The following PCDHA5 variants were observed in gnomAD, a reference collection of about 807,000 sequenced individuals.
The protein encoded by PCDHA5 is protocadherin alpha 5, also known as protocadherin alpha-5.
In PCDHA5, 43 loss-of-function variants were observed where a neutral mutation model predicts 61.6. The observed-to-expected ratio is 0.70, with a 90% CI of 0.55 to 0.90. PCDHA5 has a LOEUF of 0.90. PCDHA5 is among the 40% of genes least tolerant of loss of function. The pLI is 0.00. For missense variants in PCDHA5, 1,298 were observed against 1,222.7 expected, an observed-to-expected ratio of 1.06 and a Z score of -0.92; for synonymous variants, 627 against 543.9, an observed-to-expected ratio of 1.15 and a Z score of -2.13.
At chr5:140,941,901 GA>G (rs782298792) in intron 1 of PCDHA5, among the ~76,000 whole-genome samples, 1 of 152,130 alleles carries the variant, frequency 6.6e-6, no homozygotes, top group African/African-American at 2.4e-5. Context: ...AAGTAACATT[GA>G]AATGCTTTTA....
rs2150416183 is a variant in PCDHA5, at chr5:140,848,654, G to A, written c.2352+24527G>A. ...TGGGCCGCATCGCGCAGGACCTGGG[G>A]CTGGAGCTGGCGGAGCTGGTGCCGC... On this transcript the variant is annotated intron_variant, in intron 1 of 3. Coordinates refer to ENST00000529859, the MANE Select transcript of PCDHA5 (RefSeq NM_018908.3). The A allele has an allele frequency of 3.8e-6, 6 of 1,592,752 alleles. 1 individual carries two copies. Among genetic ancestry groups the A allele is most frequent in the African/African-American group, 1.3e-5 (1 of 74,466 alleles).
intron 3 of PCDHA5, among the ~76,000 whole-genome samples, chr5:140,993,585 G>T (rs2097574142): frequency 6.6e-6 from 1 of 151,526 alleles, no homozygotes; most frequent in Admixed American, 6.6e-5. Flanking sequence ...GCTTTTCTTG[G>T]CTTGGCTCCA....
At chr5:140,970,271 G>A (rs1395602971) in intron 1 of PCDHA5, among the ~76,000 whole-genome samples, 1 of 152,200 alleles carries the variant, frequency 6.6e-6, no homozygotes, top group Non-Finnish European at 1.5e-5. Context: ...TTGATGAGAT[G>A]TAAAGTAGCC....
At chr5:140,877,637 G>C in intron 1 of PCDHA5, 1 of 1,613,638 alleles carries the variant, frequency 6.2e-7, no homozygotes, top group South Asian at 1.1e-5. Context: ...ACTGCGCTGC[G>C]TTGCTCAGCG....
chr5:140,822,214 C>A lies in PCDHA5; in HGVS notation c.439C>A (p.Pro147Thr), dbSNP rs2150114592. ...QRLFILESRM[P>T]DSRFPLEGAS... is the part of the protein sequence containing the mutation. ...ATTATTCATTTTAGAGTCAAGAATG[C>A]CAGATTCGCGGTTTCCGCTAGAGGG... Residue 147 changes from proline to threonine, a missense_variant, in exon 1 of 4, where the codon CCA becomes ACA. Pro to Thr is a conservative substitution (Grantham distance 38). Coordinates refer to ENST00000529859, the MANE Select transcript of PCDHA5 (RefSeq NM_018908.3). 6.2e-7 allele frequency: 1 copy of A among 1,614,218 alleles called. No homozygotes were observed.
intron 1 of PCDHA5, chr5:140,830,137 G>T: frequency 1.2e-6 from 2 of 1,613,292 alleles, no homozygotes; most frequent in East Asian, 2.2e-5. Context: ...CATCACGGGC[G>T]TCGGTGGGCG....
intron 1 of PCDHA5, chr5:140,860,628 G>A (rs1488931314): frequency 6.6e-6 from 1 of 152,206 alleles, no homozygotes; most frequent in African/African-American, 2.4e-5. Flanking sequence ...ACATATGCAG[G>A]AATCAGGAAC....
intron 1 of PCDHA5, chr5:140,876,387 T>C (rs2056316391): frequency 6.2e-7 from 1 of 1,613,830 alleles, no homozygotes; most frequent in Admixed American, 1.7e-5. Flanking sequence ...TTAGAATTTA[T>C]GGTGAACTGG....
At chr5:140,850,389 A>T in intron 1 of PCDHA5, 1 of 1,597,864 alleles carries the variant, frequency 6.3e-7, no homozygotes, top group South Asian at 1.1e-5. Context: ...GGGCGAGATC[A>T]GCACAACGCG....
chr5:140,973,799 A>G (rs1470568019), intron 1 of PCDHA5, among the ~76,000 whole-genome samples: 1 of 152,254 alleles, frequency 6.6e-6, no homozygotes, highest in African/African-American at 2.4e-5. Flanking sequence ...CATGCTGTCT[A>G]CTTGACAGAA....
At chr5:140,877,821 T>A in intron 1 of PCDHA5, 1 of 1,603,344 alleles carries the variant, frequency 6.2e-7, no homozygotes, top group East Asian at 2.2e-5. Flanking sequence ...GAGAAGATTG[T>A]TTAAATCCTC....
chr5:140,883,558 G>A, intron 1 of PCDHA5: 2 of 1,614,190 alleles, frequency 1.2e-6, no homozygotes, highest in South Asian at 1.1e-5. Context: ...CGCGGGACGG[G>A]GGCTCGCCTT....
At chr5:140,969,004 T>C (rs1554231338) in intron 1 of PCDHA5, 2 of 1,614,060 alleles carry the variant, frequency 1.2e-6, no homozygotes, top group East Asian at 2.2e-5. Flanking sequence ...GAGGCTTCTG[T>C]GGAGTAAGGG....
chr5:140,835,159 C>A, intron 1 of PCDHA5: 1 of 1,456,016 alleles, frequency 6.9e-7, no homozygotes, highest in Non-Finnish European at 9.3e-7. Flanking sequence ...TCTATCGGAA[C>A]GCTGGTGATT....
At chr5:140,884,656 G>GA (rs1317691755) in intron 1 of PCDHA5, 2 of 1,602,060 alleles carry the variant, frequency 1.2e-6, no homozygotes, top group Non-Finnish European at 1.7e-6. Flanking sequence ...CAGAATGCTT[G>GA]AAAGAGGTAA....
At chr5:140,959,585 C>A (rs1363843588) in intron 1 of PCDHA5, among the ~76,000 whole-genome samples, 1 of 152,004 alleles carries the variant, frequency 6.6e-6, no homozygotes, top group Non-Finnish European at 1.5e-5. Context: ...TCAATTCTAT[C>A]AGCCAAGTAT....
intron 1 of PCDHA5, chr5:140,835,779 G>A (rs1195624528): frequency 1.2e-6 from 2 of 1,613,242 alleles, no homozygotes; most frequent in African/African-American, 1.3e-5. Context: ...GTTCGTGAAG[G>A]AGAACAACCC....
In PCDHA5 at chr5:140,842,019, T is replaced by C. The variant is rs1554138721; in HGVS notation, c.2352+17892T>C. The C allele has an allele frequency of 1.9e-6, 3 of 1,613,812 alleles. No homozygotes were observed. The highest frequency in any genetic ancestry group is 1.6e-4 in the Middle Eastern group (1 of 6,062). ...ACTGTTCAGCTGCTGGTCACAGTGC[T>C]GGATGTGAATGATAATGCTCCCACT... On this transcript the variant is annotated intron_variant, in intron 1 of 3. Transcript: ENST00000529859.
At chr5:140,905,594 G>A (rs62384488) in intron 1 of PCDHA5, among the ~76,000 whole-genome samples, 48,024 of 151,986 alleles carry the variant, frequency 0.32, 7,949 homozygotes, top group East Asian at 0.53. Flanking sequence ...ATTTTGCTGG[G>A]AATTGCATTG....
Sources: allele counts gnomAD v4.1 joint callset (sites outside exome capture counted in the v4.1 genomes callset), GRCh38; gene constraint gnomAD v4.1.1; transcripts MANE v1.5; gene names NCBI Gene and HGNC (gene_info 2026-07-23, HGNC 2026-07-21).